The following COL8A1 variants were observed in gnomAD, a reference collection of about 807,000 sequenced individuals.
The protein encoded by COL8A1 is collagen alpha-1(VIII) chain.
Under a neutral mutation model 42.7 loss-of-function variants are expected in COL8A1, and 21 were observed. That is an observed-to-expected ratio of 0.49 (90% CI 0.35 to 0.71). COL8A1 has a LOEUF of 0.71. Ranked by LOEUF, COL8A1 falls within the 30% of genes least tolerant of loss-of-function variation. COL8A1 has a pLI of 0.01. For missense variants in COL8A1, 788 were observed against 962.4 expected, an observed-to-expected ratio of 0.82 and a Z score of 2.40; for synonymous variants, 367 against 369.1, an observed-to-expected ratio of 0.99 and a Z score of 0.06.
At chr3:99,706,016 G>A (rs891209151) in intron 1 of COL8A1, among the ~76,000 whole-genome samples, 5 of 151,966 alleles carry the variant, frequency 3.3e-5, no homozygotes, top group East Asian at 1.9e-4. Context: ...GATCCAAGTC[G>A]TATGGTCCTT....
At chr3:99,706,635 G>C (rs1391741489) in intron 1 of COL8A1, among the ~76,000 whole-genome samples, 4 of 152,142 alleles carry the variant, frequency 2.6e-5, no homozygotes, top group Non-Finnish European at 4.4e-5. Context: ...GTTAGGACTG[G>C]TTAAGTCCAG....
intron 1 of COL8A1, among the ~76,000 whole-genome samples, chr3:99,659,522 G>A (rs754328184): frequency 3.0e-4 from 46 of 152,060 alleles, no homozygotes; most frequent in Non-Finnish European, 4.1e-4. Flanking sequence ...ATAATGTCCC[G>A]TTTAGCCCCA....
rs2107460182 is a variant in COL8A1, at chr3:99,795,055, T to C, written c.1154T>C (p.Ile385Thr). Residue 385 changes from isoleucine (I) to threonine (T), a missense_variant, in exon 4 of 4, where the codon ATA becomes ACA. Ile to Thr is a moderately conservative substitution (Grantham distance 89). Around this residue, in one of 4 missense-constraint regions of COL8A1, gnomAD observed 421 missense variants for 553.1 expected, o/e 0.76. Transcript: ENST00000652472. ...GEKGPIGAPGIGGPPGEPGLP... is the reference protein window; with the variant it reads ...GEKGPIGAPGTGGPPGEPGLP... ...AAAGGACCAATAGGTGCCCCAGGAATAGGGGGTCCTCCAGGAGAGCCAGGC... is the reference window on the plus strand; with the variant it reads ...AAAGGACCAATAGGTGCCCCAGGAACAGGGGGTCCTCCAGGAGAGCCAGGC... 6.2e-7 allele frequency: 1 copy of C among 1,609,342 alleles called. No homozygotes were observed. The highest frequency in any genetic ancestry group is 1.1e-5 in the South Asian group (1 of 90,700).
chr3:99,648,164 G>C (rs748586582), intron 1 of COL8A1, among the ~76,000 whole-genome samples: 1 of 152,056 alleles, frequency 6.6e-6, no homozygotes, highest in Non-Finnish European at 1.5e-5. Context: ...CCAATTTAAC[G>C]ATGAGAAAAA....
At chr3:99,716,579 A>T (rs1466034892) in intron 1 of COL8A1, among the ~76,000 whole-genome samples, 1 of 152,020 alleles carries the variant, frequency 6.6e-6, no homozygotes, top group Non-Finnish European at 1.5e-5. Flanking sequence ...ACAATTCCAA[A>T]CAAAATCAAA....
chr3:99,724,815 C>A (rs1236385018), intron 1 of COL8A1, among the ~76,000 whole-genome samples: 1 of 151,948 alleles, frequency 6.6e-6, no homozygotes, highest in Non-Finnish European at 1.5e-5. Flanking sequence ...TTTAATTCAA[C>A]AAATATTTTC....
chr3:99,682,689 G>T (rs1938925053), intron 1 of COL8A1, among the ~76,000 whole-genome samples: 1 of 151,424 alleles, frequency 6.6e-6, no homozygotes. Context: ...GCTCTCACCA[G>T]CTTTGTGACC....
rs565755609 is a variant in COL8A1 at position 99,794,845 on chromosome 3, T to A, written c.944T>A (p.Ile315Asn). ...CAAGGACCTCCTGGGATACCCGGAA[T>A]TGGAAAGCCAGGCCAGGATGGGATC... ...GVQGPPGIPG[I>N]GKPGQDGIPG... The change falls in exon 4 of 4, where the codon ATT (isoleucine) becomes AAT (asparagine). Residue 315 changes from isoleucine (I) to asparagine (N), a missense_variant. Around this residue, in one of 4 missense-constraint regions of COL8A1, gnomAD observed 421 missense variants for 553.1 expected, o/e 0.76. Coordinates refer to ENST00000652472, the MANE Select transcript of COL8A1 (RefSeq NM_020351.4). The surrounding 1 kb of genome is among the most constrained non-coding windows in gnomAD (Gnocchi z 4.3). The A allele has an allele frequency of 1.2e-6, 2 of 1,612,322 alleles. No homozygotes were observed. The highest frequency in any genetic ancestry group is 2.2e-5 in the South Asian group (2 of 90,938).
chr3:99,773,837 A>ATATATATATATATATATATT (rs1200212756), intron 2 of COL8A1, among the ~76,000 whole-genome samples: 39 of 45,398 alleles, frequency 8.6e-4, no homozygotes, highest in Non-Finnish European at 1.2e-3. Flanking sequence ...ATATATATAT[A>ATATATATATATATATATATT]TTTTTTTTTT....
intron 2 of COL8A1, among the ~76,000 whole-genome samples, chr3:99,749,697 C>G (rs1941100334): frequency 6.6e-6 from 1 of 151,912 alleles, no homozygotes; most frequent in Non-Finnish European, 1.5e-5. Flanking sequence ...AAGCAAAGGT[C>G]TTATGTAAAA....
intron 1 of COL8A1, among the ~76,000 whole-genome samples, chr3:99,713,548 A>G (rs1387503117): frequency 2.0e-5 from 3 of 152,122 alleles, no homozygotes; most frequent in Non-Finnish European, 4.4e-5. Flanking sequence ...TCTTACAGCA[A>G]GGTTACTTGA....
intron 2 of COL8A1, among the ~76,000 whole-genome samples, chr3:99,774,844 A>G (rs1402013179): frequency 6.7e-6 from 1 of 149,884 alleles, no homozygotes; most frequent in African/African-American, 2.5e-5. Flanking sequence ...AAGGTGATCA[A>G]TGAATTAATT....
At position 99,685,122 on chromosome 3, in the gene COL8A1, A is replaced by G. The variant is rs535807386; in HGVS notation, c.-129+46458A>G. ...TAATAAAAACTCAGAAAAAAATGAC[A>G]TCAACCAACTAAAATGAAAGCTCAG... On this transcript the variant is annotated intron_variant, in intron 1 of 3. Coordinates refer to ENST00000652472, the MANE Select transcript of COL8A1 (RefSeq NM_020351.4). Among the ~76,000 whole-genome samples the G allele has an allele frequency of 2.6e-5, 4 of 152,348 alleles. No homozygotes were observed. In the South Asian group the frequency reaches 8.3e-4, roughly 32 times the overall value.
intron 2 of COL8A1, among the ~76,000 whole-genome samples, chr3:99,775,907 G>A (rs1292965071): frequency 6.6e-6 from 1 of 152,202 alleles, no homozygotes. Flanking sequence ...TTGAGGAAAA[G>A]ATCCCTCCAA....
Position 99,794,574 on chromosome 3 carries a change from C to A in COL8A1, c.673C>A (p.Arg225=). The A allele has an allele frequency of 6.2e-7, 1 of 1,613,662 alleles. No individual in the cohort carries two copies. The highest frequency in any genetic ancestry group is 1.1e-5 in the South Asian group (1 of 91,064). The change falls in exon 4 of 4, where the codon CGA becomes AGA. Residue 225 remains arginine, a synonymous_variant. Coordinates refer to ENST00000652472, the MANE Select transcript of COL8A1 (RefSeq NM_020351.4). This position sits in a 1 kb window ranked among gnomAD's most constrained non-coding sequence, Gnocchi z 4.3. ...LPGQPGPKGD[R]GPKGLPGPQG... ...AGGGCAACCAGGACCAAAGGGTGAT[C>A]GAGGACCCAAAGGACTACCAGGACC...
At chr3:99,767,438 A>T (rs1350790077) in intron 2 of COL8A1, among the ~76,000 whole-genome samples, 1 of 152,210 alleles carries the variant, frequency 6.6e-6, no homozygotes, top group Non-Finnish European at 1.5e-5. Context: ...AACTACATAC[A>T]TTTATCTTTT....
chr3:99,789,266 C>G (rs1223303415), intron 2 of COL8A1, among the ~76,000 whole-genome samples: 1 of 152,038 alleles, frequency 6.6e-6, no homozygotes, highest in East Asian at 1.9e-4. Context: ...TTAAGTAAGG[C>G]AAAAGCAAAG....
intron 1 of COL8A1, among the ~76,000 whole-genome samples, chr3:99,687,046 G>T (rs1297718844): frequency 6.6e-6 from 1 of 152,042 alleles, no homozygotes; most frequent in Non-Finnish European, 1.5e-5. Context: ...GTTTCGCTAT[G>T]TTGCCCAGGC....
chr3:99,690,199 G>T (rs1424264083), intron 1 of COL8A1, among the ~76,000 whole-genome samples: 3 of 152,142 alleles, frequency 2.0e-5, no homozygotes, highest in South Asian at 4.1e-4. Flanking sequence ...GGTCAAATAG[G>T]ATTAGGAAAT....
Sources: allele counts gnomAD v4.1 joint callset (sites outside exome capture counted in the v4.1 genomes callset), GRCh38; gene constraint gnomAD v4.1.1; regional missense constraint gnomAD v4.1.1; non-coding constraint Gnocchi (gnomAD v3.1); transcripts MANE v1.5; gene names NCBI Gene and HGNC (gene_info 2026-07-23, HGNC 2026-07-21).